Variants in CDH18 observed in about 807,000 individuals in gnomAD.
The protein encoded by CDH18 is cadherin-18.
Under a neutral mutation model 67.9 loss-of-function variants are expected in CDH18, and 31 were observed. The observed-to-expected ratio is 0.46, with a 90% CI of 0.34 to 0.62. CDH18 has a LOEUF of 0.62. Ranked by LOEUF, CDH18 falls within the 20% of genes least tolerant of loss-of-function variation. The pLI is 0.01. For synonymous variants in CDH18, 362 were observed against 347.2 expected (o/e 1.04, Z -0.48); for missense variants, 890 against 975.5 (o/e 0.91, Z 1.17).
At chr5:19,946,726 T>C (rs975504849) in intron 2 of CDH18, among the ~76,000 whole-genome samples, 3 of 152,076 alleles carry the variant, frequency 2.0e-5, no homozygotes, top group Non-Finnish European at 4.4e-5. Flanking sequence ...GAAGGAACAT[T>C]TCCCAACATA....
chr5:20,069,860 T>C (rs533217131), intron 2 of CDH18, among the ~76,000 whole-genome samples: 2 of 152,280 alleles, frequency 1.3e-5, no homozygotes, highest in Admixed American at 1.3e-4. Flanking sequence ...AGTGGTACAA[T>C]TGTTATAACT....
chr5:20,019,812 C>G (rs768589326), intron 2 of CDH18, among the ~76,000 whole-genome samples: 6 of 152,148 alleles, frequency 3.9e-5, no homozygotes, highest in Non-Finnish European at 7.4e-5. Context: ...AATGTAGAAG[C>G]AGCTTTGGAA....
intron 2 of CDH18, among the ~76,000 whole-genome samples, chr5:19,873,011 T>C (rs981994419): frequency 3.9e-5 from 6 of 152,062 alleles, no homozygotes; most frequent in Non-Finnish European, 7.4e-5. Context: ...AGTATATAAA[T>C]AGTGAAGGGG....
chr5:19,773,091 T>C (rs911558208), intron 3 of CDH18, among the ~76,000 whole-genome samples: 3 of 152,144 alleles, frequency 2.0e-5, no homozygotes, highest in Non-Finnish European at 4.4e-5. Flanking sequence ...TACATAATCA[T>C]AGGATAAATA....
intron 5 of CDH18, among the ~76,000 whole-genome samples, chr5:19,656,531 G>A (rs972326804): frequency 1.3e-5 from 2 of 152,050 alleles, no homozygotes; most frequent in African/African-American, 2.4e-5. Context: ...AAATGTAGAT[G>A]AGTTTAAGAA....
At chr5:19,549,298 C>T (rs1258335317) in intron 8 of CDH18, among the ~76,000 whole-genome samples, 1 of 152,106 alleles carries the variant, frequency 6.6e-6, no homozygotes, top group Non-Finnish European at 1.5e-5. Flanking sequence ...CTTCTCACTC[C>T]TGTTCCCACT....
chr5:20,245,529 T>C (rs1282761616), intron 2 of CDH18, among the ~76,000 whole-genome samples: 1 of 152,048 alleles, frequency 6.6e-6, no homozygotes, highest in Admixed American at 6.6e-5. Flanking sequence ...TAAGTTCTTC[T>C]CTGAAGAAAT....
chr5:20,284,219 T>C (rs1561938908), intron 1 of CDH18, among the ~76,000 whole-genome samples: 2 of 151,878 alleles, frequency 1.3e-5, no homozygotes, highest in Non-Finnish European at 2.9e-5. Flanking sequence ...ACTACAGTTG[T>C]ACATTTTTAA....
At chr5:19,654,709 C>A (rs1175512721) in intron 5 of CDH18, among the ~76,000 whole-genome samples, 1 of 152,064 alleles carries the variant, frequency 6.6e-6, no homozygotes, top group Non-Finnish European at 1.5e-5. Context: ...TGTCTGGTGT[C>A]CAGGAAGAAT....
At chr5:20,158,438 AT>A (rs1751727502) in intron 2 of CDH18, among the ~76,000 whole-genome samples, 1 of 152,158 alleles carries the variant, frequency 6.6e-6, no homozygotes, top group Non-Finnish European at 1.5e-5. Context: ...ACTTATATAC[AT>A]TTTGCATTTC....
intron 2 of CDH18, among the ~76,000 whole-genome samples, chr5:20,054,337 T>A (rs868662687): frequency 6.6e-6 from 1 of 152,196 alleles, no homozygotes; most frequent in Non-Finnish European, 1.5e-5. Context: ...CAACTCAGAA[T>A]GACATTCATG....
At chr5:19,604,103 TG>T (rs2150076486) in intron 6 of CDH18, among the ~76,000 whole-genome samples, 1 of 152,048 alleles carries the variant, frequency 6.6e-6, no homozygotes, top group South Asian at 2.1e-4. Flanking sequence ...AAGGAAGACA[TG>T]GTGGGAATAA....
chr5:20,096,154 T>A (rs751144313), intron 2 of CDH18, among the ~76,000 whole-genome samples: 1 of 152,162 alleles, frequency 6.6e-6, no homozygotes, highest in Non-Finnish European at 1.5e-5. Flanking sequence ...ATCTTTTATA[T>A]GCCAGTTGAA....
intron 1 of CDH18, among the ~76,000 whole-genome samples, chr5:20,494,460 C>A (rs1447655105): frequency 6.6e-6 from 1 of 151,920 alleles, no homozygotes; most frequent in Non-Finnish European, 1.5e-5. Flanking sequence ...CAGGAATTTT[C>A]GTTTCAAGAT....
intron 2 of CDH18, among the ~76,000 whole-genome samples, chr5:20,117,009 A>AT (rs1554092427): frequency 6.7e-6 from 1 of 149,032 alleles, no homozygotes; most frequent in African/African-American, 2.5e-5. Context: ...GGAGAGATAA[A>AT]TGTGTGTGTG....
At chr5:19,812,100 G>T (rs2149901389) in intron 3 of CDH18, among the ~76,000 whole-genome samples, 1 of 152,198 alleles carries the variant, frequency 6.6e-6, no homozygotes, top group East Asian at 1.9e-4. Flanking sequence ...TGAACAAAGA[G>T]AAAGTAATTA....
chr5:20,094,216 T>C (rs1442119551), intron 2 of CDH18, among the ~76,000 whole-genome samples: 1 of 152,188 alleles, frequency 6.6e-6, no homozygotes, highest in Non-Finnish European at 1.5e-5. Context: ...TCCTCCTGTC[T>C]AGCCACCTAT....
chr5:20,404,484 AT>A (rs906386913), intron 1 of CDH18, among the ~76,000 whole-genome samples: 8 of 152,134 alleles, frequency 5.3e-5, no homozygotes, highest in Non-Finnish European at 8.8e-5. Context: ...CCATTACACA[AT>A]TTTTTTAAGC....
intron 1 of CDH18, among the ~76,000 whole-genome samples, chr5:19,982,506 C>A (rs1191962691): frequency 6.6e-6 from 1 of 151,914 alleles, no homozygotes; most frequent in Non-Finnish European, 1.5e-5. Flanking sequence ...TTCTTTGATT[C>A]AAATTATTAA....
Sources: gnomAD v4.1 joint callset for allele counts (sites outside exome capture counted in the v4.1 genomes callset) on GRCh38, gnomAD v4.1.1 for gene constraint, MANE v1.5 for transcripts, NCBI Gene and HGNC (gene_info 2026-07-23, HGNC 2026-07-21) for gene names.